The following ADARB2 variants were observed in gnomAD, a reference collection of about 807,000 sequenced individuals.
ADARB2 encodes the protein inactive double-stranded RNA-specific editase B2.
A neutral mutation model predicts 62.2 loss-of-function variants in ADARB2; 25 were observed. That is an observed-to-expected ratio of 0.40 (90% CI 0.29 to 0.56). The LOEUF is 0.56. Among genes scored for constraint, ADARB2 ranks in the 20% least tolerant of loss-of-function variants. ADARB2 has a pLI of 0.43. For synonymous variants in ADARB2, 572 were observed against 500.8 expected (o/e 1.14, Z -1.90); for missense variants, 1,071 against 1,077.4 (o/e 0.99, Z 0.08).
At chr10:1,642,504 T>C (rs910452951) in intron 1 of ADARB2, among the ~76,000 whole-genome samples, 1 of 152,212 alleles carries the variant, frequency 6.6e-6, no homozygotes, top group Non-Finnish European at 1.5e-5. Context: ...CCAGTTGTTA[T>C]GGCTCAAATA....
Position 1,387,897 on chromosome 10 carries a change from T to C in ADARB2, c.101-8737A>G, listed in dbSNP as rs118025448. 4.7e-3 allele frequency among the ~76,000 whole-genome samples: 721 copies of C among 152,210 alleles called. 5 individuals are homozygous for C. The highest frequency in any genetic ancestry group is 7.8e-3 in the Non-Finnish European group (530 of 67,930). On this transcript the variant is annotated intron_variant, in intron 1 of 9. Coordinates refer to ENST00000381312, the MANE Select transcript of ADARB2 (RefSeq NM_018702.4). ...CCTATATAAAAATGTTAATGTATCA[T>C]GAACCAGTGTGGTTCATCCTGGAAT...
At chr10:1,531,925 C>T (rs1209228049) in intron 1 of ADARB2, among the ~76,000 whole-genome samples, 3 of 152,194 alleles carry the variant, frequency 2.0e-5, no homozygotes, top group Non-Finnish European at 4.4e-5. Flanking sequence ...TGATTCCCAT[C>T]CCCACTGGAA....
intron 1 of ADARB2, among the ~76,000 whole-genome samples, chr10:1,562,881 A>G (rs943784952): frequency 2.0e-5 from 3 of 152,236 alleles, no homozygotes; most frequent in Non-Finnish European, 4.4e-5. Flanking sequence ...GAGACTCAAG[A>G]AATATGATTG....
chr10:1,199,809 T>A (rs1207252139), intron 8 of ADARB2, 157 bp downstream of exon 8: 7 of 786,824 alleles, frequency 8.9e-6, no homozygotes, highest in Non-Finnish European at 1.3e-5. Flanking sequence ...AAACCTTTCA[T>A]TTTTTCTTTT....
intron 1 of ADARB2, among the ~76,000 whole-genome samples, chr10:1,688,747 G>C (rs992883465): frequency 6.6e-6 from 1 of 152,158 alleles, no homozygotes; most frequent in Non-Finnish European, 1.5e-5. Context: ...AGAGGGGAAT[G>C]GTGACTTACG....
intron 4 of ADARB2, among the ~76,000 whole-genome samples, chr10:1,262,363 G>A (rs185499322): frequency 6.6e-6 from 1 of 150,682 alleles, no homozygotes; most frequent in Admixed American, 6.6e-5. Flanking sequence ...TACAGAATGG[G>A]AGAAAATTTT....
At chr10:1,332,485 T>TTTG (rs995496808) in intron 3 of ADARB2, among the ~76,000 whole-genome samples, 6 of 144,202 alleles carry the variant, frequency 4.2e-5, no homozygotes, top group African/African-American at 1.5e-4. Context: ...AGTTTTGTTT[T>TTTG]TTTTTTTTTT....
intron 1 of ADARB2, among the ~76,000 whole-genome samples, chr10:1,683,229 C>T (rs975866532): frequency 1.3e-5 from 2 of 151,980 alleles, no homozygotes; most frequent in African/African-American, 4.8e-5. Flanking sequence ...TTCACTTTTC[C>T]GAGGATTTGG....
intron 1 of ADARB2, among the ~76,000 whole-genome samples, chr10:1,688,971 C>T (rs1834634240): frequency 6.6e-6 from 1 of 152,182 alleles, no homozygotes; most frequent in African/African-American, 2.4e-5. Context: ...ATGTTACTTC[C>T]TCAGTACATT....
chr10:1,223,935 C>T (rs1270029864), intron 6 of ADARB2, among the ~76,000 whole-genome samples: 4 of 152,144 alleles, frequency 2.6e-5, no homozygotes, highest in Admixed American at 6.5e-5. Flanking sequence ...ATGCTGGCCT[C>T]GTAAAATGCG....
intron 1 of ADARB2, among the ~76,000 whole-genome samples, chr10:1,672,577 G>C (rs1324791590): frequency 2.1e-5 from 3 of 140,848 alleles, no homozygotes; most frequent in Non-Finnish European, 4.7e-5. Context: ...CCATGCACGC[G>C]CTTCGCCTTC....
intron 1 of ADARB2, among the ~76,000 whole-genome samples, chr10:1,648,616 C>T (rs558896721): frequency 3.3e-5 from 5 of 152,024 alleles, no homozygotes; most frequent in Non-Finnish European, 7.3e-5. Flanking sequence ...GAGACCCTGG[C>T]CCCCGTGGAA....
intron 3 of ADARB2, among the ~76,000 whole-genome samples, chr10:1,350,731 T>C: frequency 6.6e-6 from 1 of 152,118 alleles, no homozygotes; most frequent in Middle Eastern, 3.2e-3. Context: ...CAAAAGGTCA[T>C]CTTATTCTCA....
chr10:1,470,045 G>T (rs1831300789), intron 1 of ADARB2, among the ~76,000 whole-genome samples: 1 of 125,548 alleles, frequency 8.0e-6, no homozygotes, highest in Non-Finnish European at 1.9e-5. Flanking sequence ...CAGAGAACTG[G>T]AGACTCCCGG....
At chr10:1,468,706 G>A (rs987333938) in intron 1 of ADARB2, among the ~76,000 whole-genome samples, 5 of 152,174 alleles carry the variant, frequency 3.3e-5, no homozygotes, top group African/African-American at 1.2e-4. Context: ...AGGACAAGTG[G>A]TGCCTTCCTT....
rs573887274 is a variant in ADARB2 at position 1,244,636 on chromosome 10, C to T, written c.1193-2337G>A. Reference sequence around the variant, plus strand: ...CACCACGTTCCCAACACAGGAGACGCGAAGCCTGGACCGAGGGAGATGACG... The same window carrying T: ...CACCACGTTCCCAACACAGGAGACGTGAAGCCTGGACCGAGGGAGATGACG... On this transcript the variant is annotated intron_variant, in intron 4 of 9. Transcript: ENST00000381312. 1.9e-3 allele frequency among the ~76,000 whole-genome samples: 294 copies of T among 152,310 alleles called. 2 individuals are homozygous for T. Among genetic ancestry groups the T allele is most frequent in the African/African-American group, 6.4e-3 (264 of 41,560 alleles).
In ADARB2 at chr10:1,327,485, T is replaced by G. The variant is rs1325777453; in HGVS notation, c.1077+35543A>C. Among the ~76,000 whole-genome samples the G allele has an allele frequency of 2.2e-4, 12 of 54,868 alleles. 1 individual carries two copies. Among genetic ancestry groups the G allele is most frequent in the African/African-American group, 9.6e-4 (11 of 11,412 alleles). 36.0% of individuals were successfully genotyped at this position (54,868 alleles called of 152,430 possible). ...TCCTCACTGCACAGCGCCTCCTCAC[T>G]GCACAGCGCCTCCTCACTGCCCAGC... On this transcript the variant is annotated intron_variant, in intron 3 of 9. Transcript: ENST00000381312.
At chr10:1,500,104 T>A (rs1224093123) in intron 1 of ADARB2, among the ~76,000 whole-genome samples, 1 of 152,240 alleles carries the variant, frequency 6.6e-6, no homozygotes, top group African/African-American at 2.4e-5. Flanking sequence ...AAAAGCTAGA[T>A]TCAAGAGTTC....
At chr10:1,369,656 TAC>T (rs1260501811) in intron 2 of ADARB2, among the ~76,000 whole-genome samples, 3 of 152,010 alleles carry the variant, frequency 2.0e-5, no homozygotes, top group Non-Finnish European at 4.4e-5. Context: ...CACAATAAAA[TAC>T]ATTTTAAAAA....
Sources: gnomAD v4.1 joint callset for allele counts (sites outside exome capture counted in the v4.1 genomes callset) on GRCh38, gnomAD v4.1.1 for gene constraint, MANE v1.5 for transcripts, NCBI Gene and HGNC (gene_info 2026-07-23, HGNC 2026-07-21) for gene names.